PARP16: variants seen among roughly 807,000 people sequenced by gnomAD.
The protein encoded by PARP16 is protein mono-ADP-ribosyltransferase PARP16.
Under a neutral mutation model 35.0 loss-of-function variants are expected in PARP16, and 31 were observed. The observed-to-expected ratio is 0.88, with a 90% CI of 0.66 to 1.19. The LOEUF (loss-of-function observed/expected upper bound fraction) is 1.19. Ranked by LOEUF, PARP16 falls within the 50% of genes most tolerant of loss-of-function variation. PARP16 has a pLI of 0.00. For synonymous variants in PARP16, 162 were observed against 169.5 expected (o/e 0.96, Z 0.34); for missense variants, 424 against 411.2 (o/e 1.03, Z -0.27).
chr15:65,254,441 CCAGA>C (rs1231415956), downstream of PARP16, among the ~76,000 whole-genome samples: 2 of 152,100 alleles, frequency 1.3e-5, no homozygotes, highest in Admixed American at 1.3e-4. Flanking sequence ...GTGCACAGCC[CCAGA>C]CAGTTTGGAA....
At chr15:65,240,421 A>C (rs1194827743) in intron 3 of PARP16, among the ~76,000 whole-genome samples, 1 of 150,534 alleles carries the variant, frequency 6.6e-6, no homozygotes, top group Non-Finnish European at 1.5e-5. Flanking sequence ...ATGGGGTTTC[A>C]CCATGTTGCC....
chr15:65,239,759 C>T (rs1017412426), intron 3 of PARP16, among the ~76,000 whole-genome samples: 4 of 150,614 alleles, frequency 2.7e-5, no homozygotes, highest in Admixed American at 2.7e-4. Context: ...CAGGTTCACG[C>T]CATTCTCCTG....
chr15:65,276,541 T>A (rs1438412253), intron 1 of PARP16, among the ~76,000 whole-genome samples: 5 of 151,948 alleles, frequency 3.3e-5, no homozygotes, highest in African/African-American at 9.7e-5. Flanking sequence ...GCCCAGCTAA[T>A]TTTTTGTACA....
At chr15:65,283,925 T>C (rs2090497783) in intron 1 of PARP16, among the ~76,000 whole-genome samples, 2 of 152,192 alleles carry the variant, frequency 1.3e-5, no homozygotes. Flanking sequence ...AATTTGCCTC[T>C]TTCTCCAACC....
rs2089686406 is a variant in PARP16, at chr15:65,260,869, T to A, written c.833+16A>T. 6.2e-7 allele frequency: 1 copy of A among 1,611,920 alleles called. No individual in the cohort carries two copies. The highest frequency in any genetic ancestry group is 1.3e-5 in the African/African-American group (1 of 74,872). ...GCACTCTGAATACAGCCATTAGTTG[T>A]TCTCTTGGACCTTACCTCTTGGGTG... On this transcript the variant is annotated intron_variant, in intron 5 of 5. Coordinates refer to ENST00000649807, the MANE Select transcript of PARP16 (RefSeq NM_001316943.2).
intron 1 of PARP16, among the ~76,000 whole-genome samples, chr15:65,276,484 C>T (rs2090259173): frequency 6.6e-6 from 1 of 152,116 alleles, no homozygotes; most frequent in Admixed American, 6.6e-5. Flanking sequence ...AGCAATCCTC[C>T]CACCTCAGCC....
intron 3 of PARP16, among the ~76,000 whole-genome samples, chr15:65,246,543 A>G (rs751954695): frequency 1.3e-5 from 2 of 152,216 alleles, no homozygotes; most frequent in Non-Finnish European, 2.9e-5. Context: ...CAGACATGTC[A>G]GGGAGCTTGA....
intron 2 of PARP16, 72 bp downstream of exon 2, chr15:65,270,862 AG>A: frequency 6.9e-7 from 1 of 1,458,046 alleles, no homozygotes; most frequent in Non-Finnish European, 9.6e-7. Flanking sequence ...GAAGTCTCAG[AG>A]CCACTGGATT....
At chr15:65,284,559 C>T (rs1462407998) in intron 1 of PARP16, among the ~76,000 whole-genome samples, 1 of 151,800 alleles carries the variant, frequency 6.6e-6, no homozygotes, top group Admixed American at 6.6e-5. Flanking sequence ...AACTCCTGAC[C>T]TCGTGATCCA....
intron 1 of PARP16, among the ~76,000 whole-genome samples, chr15:65,278,458 G>A (rs971864279): frequency 6.6e-6 from 1 of 152,224 alleles, no homozygotes; most frequent in African/African-American, 2.4e-5. Flanking sequence ...ATAGCTGGGG[G>A]AATCTGAATG....
rs552656918 is a variant in PARP16, at chr15:65,286,710, G to T, written c.-284C>A. 2.8e-4 allele frequency: 101 copies of T among 365,360 alleles called. 1 individual carries two copies. The highest frequency in any genetic ancestry group is 1.9e-3 in the African/African-American group (88 of 47,148). 22.6% of individuals were successfully genotyped at this position (365,360 alleles called of 1,614,324 possible). On this transcript the variant is annotated 5_prime_UTR_variant, in exon 1 of 6. Transcript: ENST00000649807. ...CAGGGATAAAGGAACTGGGGCTGGT[G>T]GGGGGGAGGGGTTCCCGGCCTAGGG...
chr15:65,239,514 T>C (rs1369859976), intron 3 of PARP16, among the ~76,000 whole-genome samples: 1 of 139,174 alleles, frequency 7.2e-6, no homozygotes, highest in Admixed American at 7.4e-5. Flanking sequence ...ACCTATGACC[T>C]CCAAAAGTTT....
chr15:65,261,254 A>G (rs2089702595), intron 4 of PARP16, among the ~76,000 whole-genome samples: 1 of 151,820 alleles, frequency 6.6e-6, no homozygotes, highest in South Asian at 2.1e-4. Context: ...CAAGGAAGAA[A>G]AAACAAAACT....
chr15:65,252,042 G>A (rs1430107278), intron 2 of PARP16, among the ~76,000 whole-genome samples: 1 of 152,092 alleles, frequency 6.6e-6, no homozygotes, highest in East Asian at 1.9e-4. Context: ...GGGATTACAG[G>A]TGTAAGCCAC....
intron 3 of PARP16, among the ~76,000 whole-genome samples, chr15:65,239,537 T>C (rs912378275): frequency 2.0e-5 from 3 of 151,126 alleles, no homozygotes; most frequent in African/African-American, 7.3e-5. Context: ...TCGTGCTCCT[T>C]TGAAATCCAA....
Position 65,259,272 on chromosome 15 carries a change from G to T in PARP16, c.*135C>A. ...CATCAAAGGCAATGGATACATTTAG[G>T]CCATATGAAAATTGTCCTGTGGTCC... On this transcript the variant is annotated 3_prime_UTR_variant, in exon 6 of 6. Coordinates refer to ENST00000649807, the MANE Select transcript of PARP16 (RefSeq NM_001316943.2). 1 of 773,296 alleles carries T rather than the reference G, an allele frequency of 1.3e-6. No individual in the cohort carries two copies. The highest frequency in any genetic ancestry group is 2.2e-6 in the Non-Finnish European group (1 of 447,370). 47.9% of individuals were successfully genotyped at this position (773,296 alleles called of 1,614,324 possible). A position where few individuals can be genotyped will look rare whatever the true frequency, so the allele number is the denominator to read the frequency against.
intron 3 of PARP16, among the ~76,000 whole-genome samples, chr15:65,265,588 T>C (rs2089861382): frequency 1.3e-5 from 2 of 152,136 alleles, no homozygotes; most frequent in South Asian, 4.1e-4. Context: ...CCTCGGTGCA[T>C]CTTGGCATAT....
intron 3 of PARP16, among the ~76,000 whole-genome samples, chr15:65,246,271 G>A (rs1287365812): frequency 6.6e-6 from 1 of 152,136 alleles, no homozygotes; most frequent in Admixed American, 6.5e-5. Flanking sequence ...GGATTCCCGA[G>A]ATAGTCACCC....
At chr15:65,279,579 C>T (rs1051449743) in intron 1 of PARP16, among the ~76,000 whole-genome samples, 6 of 151,956 alleles carry the variant, frequency 3.9e-5, no homozygotes, top group African/African-American at 1.5e-4. Context: ...TTTTTCTCCT[C>T]CACTGTTCAG....
Sources: allele counts gnomAD v4.1 joint callset (sites outside exome capture counted in the v4.1 genomes callset), GRCh38; gene constraint gnomAD v4.1.1; transcripts MANE v1.5; gene names NCBI Gene and HGNC (gene_info 2026-07-23, HGNC 2026-07-21).